Variants in VWC2 observed in about 807,000 individuals in gnomAD.
VWC2 encodes brorin.
A neutral mutation model predicts 29.8 loss-of-function variants in VWC2; 14 were observed. The observed-to-expected ratio is 0.47, with a 90% CI of 0.31 to 0.74. The LOEUF is 0.74. VWC2 is among the 30% of genes least tolerant of loss of function. The probability of loss-of-function intolerance (pLI) is 0.05; values close to 1 mark genes in which losing one functional copy is unlikely to be tolerated. For missense variants in VWC2, 457 were observed against 459.8 expected (o/e 0.99, Z 0.05); for synonymous variants, 213 against 199.0 (o/e 1.07, Z -0.59).
chr7:49,915,889 G>A lies in VWC2; in HGVS notation c.*3704G>A, dbSNP rs1057304435. 1 of 152,102 alleles carries A rather than the reference G, an allele frequency of 6.6e-6. No individual in the cohort carries two copies. Among genetic ancestry groups the A allele is most frequent in the Non-Finnish European group, 1.5e-5 (1 of 68,016 alleles). 9.4% of individuals were successfully genotyped at this position (152,102 alleles called of 1,614,324 possible). Reference sequence around the variant, plus strand: ...CATGCTTCTTTGGCCAACATAATTTGTAACTGTCTTACTGAACCTACTTAC... The same window carrying A: ...CATGCTTCTTTGGCCAACATAATTTATAACTGTCTTACTGAACCTACTTAC... On this transcript the variant is annotated 3_prime_UTR_variant, in exon 4 of 4. Coordinates refer to ENST00000340652, the MANE Select transcript of VWC2 (RefSeq NM_198570.5).
intron 3 of VWC2, among the ~76,000 whole-genome samples, chr7:49,815,739 T>A (rs1175513726): frequency 6.6e-6 from 1 of 152,246 alleles, no homozygotes; most frequent in Non-Finnish European, 1.5e-5. Context: ...TTGATTTCTC[T>A]GTATCCTTTT....
At chr7:49,875,474 A>G (rs922283257) in intron 3 of VWC2, among the ~76,000 whole-genome samples, 1 of 151,418 alleles carries the variant, frequency 6.6e-6, no homozygotes, top group African/African-American at 2.4e-5. Flanking sequence ...TTCACTCACA[A>G]TGTGGAGTCT....
chr7:49,832,413 C>T (rs1355817634), intron 3 of VWC2, among the ~76,000 whole-genome samples: 2 of 151,964 alleles, frequency 1.3e-5, no homozygotes, highest in African/African-American at 4.8e-5. Flanking sequence ...ATTCTATTCT[C>T]TATTTTCTGA....
chr7:49,904,813 G>A (rs894712563), intron 3 of VWC2, among the ~76,000 whole-genome samples: 4 of 146,706 alleles, frequency 2.7e-5, no homozygotes, highest in Non-Finnish European at 4.4e-5. Context: ...TCGGCTCACT[G>A]CAACCTCCTC....
At chr7:49,844,754 ACG>A (rs1161800807) in intron 3 of VWC2, among the ~76,000 whole-genome samples, 1 of 152,044 alleles carries the variant, frequency 6.6e-6, no homozygotes, top group Non-Finnish European at 1.5e-5. Context: ...GTGCAATGGC[ACG>A]ATCTCAGTTC....
chr7:49,789,621 C>CT (rs5884131), intron 2 of VWC2, among the ~76,000 whole-genome samples: 50,111 of 151,958 alleles, frequency 0.33, 9,116 homozygotes, highest in East Asian at 0.68. Flanking sequence ...ATTAAGCTCT[C>CT]TTTTTTCTCC....
At chr7:49,845,062 T>C (rs1235894339) in intron 3 of VWC2, among the ~76,000 whole-genome samples, 3 of 151,984 alleles carry the variant, frequency 2.0e-5, no homozygotes, top group South Asian at 4.1e-4. Context: ...TTCTCACTTA[T>C]AAATGGGAGC....
chr7:49,776,624 A>G (rs574498303), intron 2 of VWC2, among the ~76,000 whole-genome samples: 1 of 152,366 alleles, frequency 6.6e-6, no homozygotes, highest in East Asian at 1.9e-4. Flanking sequence ...AATTAAAAGA[A>G]AAAGAAAATA....
intron 3 of VWC2, among the ~76,000 whole-genome samples, chr7:49,871,886 T>G (rs1227666502): frequency 6.9e-6 from 1 of 145,318 alleles, no homozygotes; most frequent in Non-Finnish European, 1.5e-5. Context: ...TAATGTTTTT[T>G]GTATGTATAT....
At chr7:49,797,930 A>G (rs995129127) in intron 2 of VWC2, among the ~76,000 whole-genome samples, 1 of 152,250 alleles carries the variant, frequency 6.6e-6, no homozygotes, top group Admixed American at 6.5e-5. Context: ...AAGGTATTCT[A>G]TGTAAAATGT....
At chr7:49,880,565 C>G (rs1791618246) in intron 3 of VWC2, among the ~76,000 whole-genome samples, 2 of 150,900 alleles carry the variant, frequency 1.3e-5, no homozygotes, top group Admixed American at 6.6e-5. Context: ...GATTTTTTAT[C>G]ATTTCTATTT....
intron 3 of VWC2, among the ~76,000 whole-genome samples, chr7:49,859,022 G>C (rs925550467): frequency 3.9e-5 from 6 of 152,178 alleles, no homozygotes; most frequent in African/African-American, 1.2e-4. Context: ...CTATCTGATG[G>C]TTTTTAGCGA....
chr7:49,857,009 C>CAA lies in VWC2; in HGVS notation c.826+54200_826+54201dup, dbSNP rs59910243. ...TGGGTGACAGAGCCAGATACTGTCTCAAAAAAAAAAAAAAAAAAAAAAAAA... is the reference window on the plus strand; with the variant it reads ...TGGGTGACAGAGCCAGATACTGTCTCAAAAAAAAAAAAAAAAAAAAAAAAAAA... On this transcript the variant is annotated intron_variant, in intron 3 of 3. Transcript: ENST00000340652. 4.4e-3 allele frequency among the ~76,000 whole-genome samples: 232 copies of CAA among 52,782 alleles called. 6 individuals carry two copies. The highest frequency in any genetic ancestry group is 5.2e-3 in the Non-Finnish European group (164 of 31,750). The allele number at this position is 52,782 out of a possible 152,430, so 34.6% of individuals were successfully genotyped here. A position where few individuals can be genotyped will look rare whatever the true frequency, so the allele number is the denominator to read the frequency against.
intron 1 of VWC2, among the ~76,000 whole-genome samples, chr7:49,774,347 G>A (rs1175472573): frequency 1.3e-5 from 2 of 152,226 alleles, no homozygotes; most frequent in Non-Finnish European, 2.9e-5. Flanking sequence ...TGAGGGGGAG[G>A]GGACAGACGC....
chr7:49,913,670 A>G lies in VWC2; in HGVS notation c.*1485A>G, dbSNP rs922230191. The G allele has an allele frequency of 7.9e-5, 12 of 152,288 alleles. No individual in the cohort carries two copies. The highest frequency in any genetic ancestry group is 2.9e-4 in the African/African-American group (12 of 41,566). 9.4% of individuals were successfully genotyped at this position (152,288 alleles called of 1,614,324 possible). On this transcript the variant is annotated 3_prime_UTR_variant, in exon 4 of 4. Coordinates refer to ENST00000340652, the MANE Select transcript of VWC2 (RefSeq NM_198570.5). ...TTTCGGTCTCTGGCATAAGAAGTAT[A>G]TGAAATCATAATGTATTGTATTAGG...
In VWC2 at chr7:49,775,810, A is replaced by T. The variant is rs757036223; in HGVS notation, c.375A>T (p.Ala125=). 1 of 1,539,154 alleles carries T rather than the reference A, an allele frequency of 6.5e-7. No individual in the cohort carries two copies. The highest frequency in any genetic ancestry group is 1.2e-5 in the South Asian group (1 of 83,058). ...GDTPQAEALA[A]AAQDAIGPEL... ...CCCCGCAGGCGGAAGCCCTGGCCGC[A>T]GCCGCCCAGGACGCGATTGGCCCGG... The change falls in exon 2 of 4, where the codon GCA becomes GCT. Residue 125 remains alanine (A), a synonymous_variant. Transcript: ENST00000340652.
At chr7:49,890,111 C>T (rs1238577628) in intron 3 of VWC2, among the ~76,000 whole-genome samples, 1 of 152,184 alleles carries the variant, frequency 6.6e-6, no homozygotes, top group Non-Finnish European at 1.5e-5. Flanking sequence ...AACACCCATA[C>T]ATCTCCTTTA....
At chr7:49,889,137 T>G (rs1035507673) in intron 3 of VWC2, among the ~76,000 whole-genome samples, 3 of 152,204 alleles carry the variant, frequency 2.0e-5, no homozygotes, top group Admixed American at 1.3e-4. Context: ...TACAAATGAT[T>G]ATTCCCTCAT....
At chr7:49,780,468 A>C (rs1291787186) in intron 2 of VWC2, among the ~76,000 whole-genome samples, 5 of 152,224 alleles carry the variant, frequency 3.3e-5, no homozygotes, top group African/African-American at 1.2e-4. Context: ...AGTTGTTTTC[A>C]TCATGGGAAT....
Sources: allele counts gnomAD v4.1 joint callset (sites outside exome capture counted in the v4.1 genomes callset), GRCh38; gene constraint gnomAD v4.1.1; transcripts MANE v1.5; gene names NCBI Gene and HGNC (gene_info 2026-07-23, HGNC 2026-07-21).